The following PTPRQ variants were observed in gnomAD, a reference collection of about 807,000 sequenced individuals.
PTPRQ encodes protein tyrosine phosphatase receptor type Q.
PTPRQ carries 199 observed loss-of-function variants against 246.0 expected under a neutral mutation model. The observed-to-expected ratio is 0.81, with a 90% CI of 0.72 to 0.91. The LOEUF is 0.91. PTPRQ is among the 40% of genes least tolerant of loss of function. PTPRQ has a pLI of 0.00. For synonymous variants in PTPRQ, 869 were observed against 853.2 expected, an observed-to-expected ratio of 1.02 and a Z score of -0.32; for missense variants, 2,624 against 2,528.4, an observed-to-expected ratio of 1.04 and a Z score of -0.81.
At chr12:80,674,243 G>A (rs1419156954) in intron 43 of PTPRQ, among the ~76,000 whole-genome samples, 2 of 151,974 alleles carry the variant, frequency 1.3e-5, no homozygotes. Context: ...GTATTTTCCA[G>A]GTTACATTCT....
chr12:80,460,167 T>C (rs1257497061), intron 5 of PTPRQ, among the ~76,000 whole-genome samples: 1 of 152,210 alleles, frequency 6.6e-6, no homozygotes, highest in East Asian at 1.9e-4. Context: ...AAATACTTTA[T>C]AAAAGTCTAA....
At chr12:80,480,846 G>A (rs1894019352) in intron 8 of PTPRQ, among the ~76,000 whole-genome samples, 1 of 152,144 alleles carries the variant, frequency 6.6e-6, no homozygotes, top group Admixed American at 6.5e-5. Context: ...TCTCTGAATA[G>A]ACCAATAACA....
chr12:80,623,220 T>C (rs911471600), intron 33 of PTPRQ, among the ~76,000 whole-genome samples: 1 of 152,152 alleles, frequency 6.6e-6, no homozygotes, highest in Middle Eastern at 3.2e-3. Context: ...CATTGGGTTA[T>C]GGAAATACTA....
rs190799513 is a variant in PTPRQ, at chr12:80,593,825, T to G, written c.4609+5373T>G. 5.9e-5 allele frequency: 9 copies of G among 151,982 alleles called. No homozygotes were observed. The East Asian group carries it at 1.7e-3, about 30-fold the overall frequency. 9.4% of individuals were successfully genotyped at this position (151,982 alleles called of 1,614,324 possible). ...TGTGGTGCACAATAGATACTTATGCTGAGGAAATGTACAACTTTAAAGGAG... is the reference window on the plus strand; with the variant it reads ...TGTGGTGCACAATAGATACTTATGCGGAGGAAATGTACAACTTTAAAGGAG... On this transcript the variant is annotated intron_variant, in intron 26 of 44. Transcript: ENST00000644991.
At chr12:80,616,105 A>G (rs1220611207) in intron 29 of PTPRQ, 95 bp from the exon 30 acceptor site, 3 of 673,426 alleles carry the variant, frequency 4.5e-6, no homozygotes, top group Admixed American at 9.8e-5. Flanking sequence ...AACTATATAT[A>G]TACATACATA....
At chr12:80,509,602 A>G (rs774071289) in intron 16 of PTPRQ, among the ~76,000 whole-genome samples, 59 of 152,072 alleles carry the variant, frequency 3.9e-4, no homozygotes, top group Non-Finnish European at 7.4e-4. Context: ...TAAATGTTTT[A>G]CCTAAATGGA....
At chr12:80,541,530 G>C in intron 20 of PTPRQ, 25 bp from the exon 21 acceptor site, 1 of 1,409,938 alleles carries the variant, frequency 7.1e-7, no homozygotes, top group Non-Finnish European at 9.3e-7. Context: ...GATGATTTTT[G>C]TATTTTGCCC....
At chr12:80,533,989 TACAG>T in intron 17 of PTPRQ, 22 bp from the exon 18 acceptor site, 1 of 1,423,964 alleles carries the variant, frequency 7.0e-7, no homozygotes, top group South Asian at 1.6e-5. Flanking sequence ...AATTCAATTC[TACAG>T]ATAATATTCT....
At chr12:80,587,991 G>A (rs1489161801) in intron 25 of PTPRQ, 138 bp from the exon 26 acceptor site, 3 of 869,180 alleles carry the variant, frequency 3.5e-6, no homozygotes, top group Non-Finnish European at 5.0e-6. Context: ...CTCATTAAGT[G>A]TGGGGATAAT....
At position 80,679,202 on chromosome 12, in the gene PTPRQ, A is replaced by C. The variant is rs7971328; in HGVS notation, c.*179A>C. On this transcript the variant is annotated 3_prime_UTR_variant, in exon 45 of 45. Transcript: ENST00000644991. ...AGTTCTTGAAAATAGCTAATACAGA[A>C]TAATTATTTGTTTTGTACAGAATAA... 0.019 allele frequency: 11,102 copies of C among 599,556 alleles called. 1,040 individuals are homozygous for C. In the African/African-American group the frequency reaches 0.19, roughly 10 times the overall value. The allele number at this position is 599,556 out of a possible 1,614,324, so 37.1% of individuals were successfully genotyped here. A position where few individuals can be genotyped will look rare whatever the true frequency, so the allele number is the denominator to read the frequency against.
intron 37 of PTPRQ, among the ~76,000 whole-genome samples, chr12:80,652,144 A>G (rs184727691): frequency 6.6e-6 from 1 of 152,270 alleles, no homozygotes; most frequent in East Asian, 1.9e-4. Context: ...TGCTTTGCCA[A>G]GAGCAAGGTA....
Position 80,620,188 on chromosome 12 carries a change from T to A in PTPRQ, c.5424T>A (p.Asp1808Glu), listed in dbSNP as rs756421113. ...ATGGAAATGTAACAAAGTGGTATGA[T>A]GCATATTTTAATAAAGCAAGGCCAT... ...QHDGNVTKWYDAYFNKARPYF... is the reference protein window; with the variant it reads ...QHDGNVTKWYEAYFNKARPYF... The change falls in exon 32 of 45, where the codon GAT becomes GAA. Residue 1808 changes from aspartate (D) to glutamate (E), a missense_variant. Transcript: ENST00000644991. 4.6e-5 allele frequency: 71 copies of A among 1,548,450 alleles called. No individual in the cohort carries two copies. The highest frequency in any genetic ancestry group is 5.2e-5 in the Non-Finnish European group (60 of 1,145,016).
At chr12:80,506,738 G>A in intron 16 of PTPRQ, 68 bp downstream of exon 16, 2 of 1,402,780 alleles carry the variant, frequency 1.4e-6, no homozygotes, top group Non-Finnish European at 1.9e-6. Flanking sequence ...CGTATAGAAT[G>A]AAACAATGTA....
rs926980351 is a variant in PTPRQ, at chr12:80,657,924, T to TA, written c.6116-54dup. 94 of 1,199,080 alleles carry TA rather than the reference T, an allele frequency of 7.8e-5. No homozygotes were observed. In the East Asian group the frequency reaches 8.2e-4, roughly 11 times the overall value. The allele number at this position is 1,199,080 out of a possible 1,614,324, so 74.3% of individuals were successfully genotyped here. On this transcript the variant is annotated intron_variant, in intron 38 of 44. Transcript: ENST00000644991. Reference sequence around the variant, plus strand: ...GAACTCCTTTGTATTACTTTTATAGTAAAAAAAGTAGTAACAATTTAAAAA... The same window carrying TA: ...GAACTCCTTTGTATTACTTTTATAGTAAAAAAAAGTAGTAACAATTTAAAAA...
chr12:80,509,992 C>T (rs1392397338), intron 16 of PTPRQ, among the ~76,000 whole-genome samples: 1 of 151,978 alleles, frequency 6.6e-6, no homozygotes, highest in Non-Finnish European at 1.5e-5. Context: ...TTTATTCACC[C>T]TCAATAAAAT....
chr12:80,499,587 A>G (rs185855775), intron 14 of PTPRQ, among the ~76,000 whole-genome samples: 43 of 152,008 alleles, frequency 2.8e-4, no homozygotes, highest in Admixed American at 2.6e-3. Flanking sequence ...ACTCTTCAAT[A>G]TTGTTTCATG....
At chr12:80,498,705 C>T (rs138023759) in intron 14 of PTPRQ, among the ~76,000 whole-genome samples, 6 of 152,208 alleles carry the variant, frequency 3.9e-5, no homozygotes, top group African/African-American at 9.6e-5. Context: ...GGCTTCTGCT[C>T]AGCATGGGGA....
At chr12:80,634,898 T>C (rs1899582982) in intron 34 of PTPRQ, 47 bp from the exon 35 acceptor site, 5 of 1,541,750 alleles carry the variant, frequency 3.2e-6, no homozygotes, top group Admixed American at 4.1e-5. Context: ...TAATTTTATA[T>C]ACTTTGTGTG....
intron 17 of PTPRQ, among the ~76,000 whole-genome samples, chr12:80,515,015 GCTTTAGTATCTTATTAACATA>G (rs77700975): frequency 0.045 from 6,772 of 151,306 alleles, 169 homozygotes; most frequent in Middle Eastern, 0.087. Context: ...GAAGCTTTAT[GCTTTAGTATCTTATTAACATA>G]CTTTAGTGTC....
Sources: gnomAD v4.1 joint callset for allele counts (sites outside exome capture counted in the v4.1 genomes callset) on GRCh38, gnomAD v4.1.1 for gene constraint, MANE v1.5 for transcripts, NCBI Gene and HGNC (gene_info 2026-07-23, HGNC 2026-07-21) for gene names.